Variants in SETBP1 observed in about 807,000 individuals in gnomAD.
The protein encoded by SETBP1 is SET-binding protein.
A neutral mutation model predicts 101.0 loss-of-function variants in SETBP1; 9 were observed. That is an observed-to-expected ratio of 0.09 (90% CI 0.05 to 0.16). The LOEUF is 0.16. SETBP1 is among the 10% of genes least tolerant of loss of function. SETBP1 has a pLI of 1.00. For synonymous variants in SETBP1, 818 were observed against 788.5 expected, an observed-to-expected ratio of 1.04 and a Z score of -0.63; for missense variants, 1,858 against 2,033.8, an observed-to-expected ratio of 0.91 and a Z score of 1.66.
chr18:44,777,229 A>G (rs954404072), intron 2 of SETBP1, among the ~76,000 whole-genome samples: 2 of 152,160 alleles, frequency 1.3e-5, no homozygotes, highest in Non-Finnish European at 2.9e-5. Flanking sequence ...AGGCAGGAGG[A>G]TCCCTTGAAC....
intron 2 of SETBP1, among the ~76,000 whole-genome samples, chr18:44,841,948 T>C (rs1478122511): frequency 6.6e-6 from 1 of 152,256 alleles, no homozygotes; most frequent in East Asian, 1.9e-4. Flanking sequence ...TTTGTACTTA[T>C]GACAGCTTGG....
At chr18:44,789,924 G>C (rs576037807) in intron 2 of SETBP1, among the ~76,000 whole-genome samples, 1 of 152,324 alleles carries the variant, frequency 6.6e-6, no homozygotes, top group East Asian at 1.9e-4. Flanking sequence ...GGCCCCGGGA[G>C]AGTCAGAAGT....
At chr18:44,849,376 A>G (rs1458802764) in intron 2 of SETBP1, among the ~76,000 whole-genome samples, 1 of 152,186 alleles carries the variant, frequency 6.6e-6, no homozygotes, top group African/African-American at 2.4e-5. Flanking sequence ...ATCACTAACT[A>G]GCCTTACAAT....
intron 4 of SETBP1, among the ~76,000 whole-genome samples, chr18:44,970,838 A>G (rs367893917): frequency 6.6e-6 from 1 of 150,970 alleles, no homozygotes; most frequent in East Asian, 1.9e-4. Flanking sequence ...GGCCTGAGCG[A>G]CCGCACCCGG....
intron 4 of SETBP1, among the ~76,000 whole-genome samples, chr18:44,965,898 C>T (rs2071711539): frequency 6.6e-6 from 1 of 152,120 alleles, no homozygotes; most frequent in Admixed American, 6.5e-5. Context: ...TCCCTGGGAC[C>T]CCAGAAACAC....
chr18:44,937,179 G>A (rs1296198492), intron 3 of SETBP1, among the ~76,000 whole-genome samples: 2 of 152,038 alleles, frequency 1.3e-5, no homozygotes, highest in African/African-American at 2.4e-5. Context: ...CTGGCCGGGC[G>A]CGGTGGCTCA....
chr18:45,046,467 C>T (rs936696848), intron 5 of SETBP1, among the ~76,000 whole-genome samples: 2 of 152,190 alleles, frequency 1.3e-5, no homozygotes, highest in African/African-American at 4.8e-5. Flanking sequence ...TTAGTTAGTC[C>T]TCCAGCGTAT....
intron 3 of SETBP1, among the ~76,000 whole-genome samples, chr18:44,895,562 TGAACGTACCATAGCAAGTTGTTGGAGCAG>T (rs1299560867): frequency 1.3e-5 from 2 of 152,140 alleles, no homozygotes; most frequent in Admixed American, 6.5e-5. Flanking sequence ...AAATGGCTGC[TGAACGTACCATAGCAAGTTGTTGGAGCAG>T]GAAGTTGGAC....
At chr18:45,030,095 CA>C (rs746475260) in intron 4 of SETBP1, among the ~76,000 whole-genome samples, 4 of 149,688 alleles carry the variant, frequency 2.7e-5, no homozygotes, top group Non-Finnish European at 5.9e-5. Flanking sequence ...TGTCAGTTTT[CA>C]AAGGGAATGC....
chr18:44,984,286 G>A (rs1599409897), intron 4 of SETBP1, among the ~76,000 whole-genome samples: 1 of 152,198 alleles, frequency 6.6e-6, no homozygotes, highest in African/African-American at 2.4e-5. Flanking sequence ...TCACAGACAG[G>A]CAGGGCAGGG....
intron 2 of SETBP1, among the ~76,000 whole-genome samples, chr18:44,779,950 G>GCACACACGCATGCACA (rs1568139755): frequency 1.3e-5 from 2 of 150,432 alleles, no homozygotes; most frequent in African/African-American, 4.9e-5. Flanking sequence ...ACACACGCAC[G>GCACACACGCATGCACA]CACACACGCA....
chr18:44,686,541 T>G (rs571333264), intron 1 of SETBP1, among the ~76,000 whole-genome samples: 1 of 152,280 alleles, frequency 6.6e-6, no homozygotes, highest in South Asian at 2.1e-4. Flanking sequence ...TTGTTATCAC[T>G]TACCCCCTCC....
At chr18:44,720,035 G>A (rs927522816) in intron 2 of SETBP1, among the ~76,000 whole-genome samples, 6 of 152,182 alleles carry the variant, frequency 3.9e-5, no homozygotes, top group Non-Finnish European at 7.4e-5. Flanking sequence ...AGAGGGTGGC[G>A]CGCATTGGTT....
intron 2 of SETBP1, among the ~76,000 whole-genome samples, chr18:44,752,406 G>A (rs8096793): frequency 0.7 from 107,094 of 151,994 alleles, 37,884 homozygotes; most frequent in African/African-American, 0.72. Flanking sequence ...GACCTAGGCA[G>A]GCAACAGGAA....
chr18:44,857,349 A>C (rs614797), intron 2 of SETBP1, among the ~76,000 whole-genome samples: 8 of 151,976 alleles, frequency 5.3e-5, no homozygotes, highest in Non-Finnish European at 2.9e-5. Context: ...AAGCCTGATA[A>C]TGCCTTGGGT....
At chr18:44,768,388 A>ATG (rs148805746) in intron 2 of SETBP1, among the ~76,000 whole-genome samples, 7 of 151,540 alleles carry the variant, frequency 4.6e-5, no homozygotes, top group African/African-American at 7.3e-5. Context: ...ATGTGTGTGT[A>ATG]TGTGTGTGTG....
At position 44,813,645 on chromosome 18, in the gene SETBP1, G is replaced by A. The variant is rs544447633; in HGVS notation, c.487-55585G>A. ...GCCATCATTAAAAAGGGAAACTTAC[G>A]CAGCTTTTGCCTTCTGAGGAAAGAC... On this transcript the variant is annotated intron_variant, in intron 2 of 5. Coordinates refer to ENST00000649279, the MANE Select transcript of SETBP1 (RefSeq NM_015559.3). Among the ~76,000 whole-genome samples, 19 of 152,268 alleles carry A rather than the reference G, an allele frequency of 1.2e-4. No individual in the cohort carries two copies. The South Asian group carries it at 2.3e-3, about 18-fold the overall frequency.
chr18:44,785,839 C>T (rs762116604), intron 2 of SETBP1, among the ~76,000 whole-genome samples: 2 of 152,160 alleles, frequency 1.3e-5, no homozygotes, highest in Non-Finnish European at 2.9e-5. Flanking sequence ...GCCTATGGGA[C>T]CTGCTCAGAC....
chr18:44,929,686 C>T (rs1244693900), intron 3 of SETBP1, among the ~76,000 whole-genome samples: 1 of 151,860 alleles, frequency 6.6e-6, no homozygotes, highest in African/African-American at 2.4e-5. Flanking sequence ...TATTTTATTC[C>T]CTTTGAAGCA....
Sources: gnomAD v4.1 joint callset for allele counts (sites outside exome capture counted in the v4.1 genomes callset) on GRCh38, gnomAD v4.1.1 for gene constraint, MANE v1.5 for transcripts, NCBI Gene and HGNC (gene_info 2026-07-23, HGNC 2026-07-21) for gene names.